DEUP1: variants seen among roughly 807,000 people sequenced by gnomAD.
DEUP1 encodes the protein coiled-coil domain containing 67.
DEUP1 carries 82 observed loss-of-function variants against 87.4 expected under a neutral mutation model. The ratio of observed to expected loss-of-function variants is 0.94; its 90% CI spans 0.78 to 1.13. The LOEUF (loss-of-function observed/expected upper bound fraction) is 1.13. Among genes scored for constraint, DEUP1 ranks in the 50% most tolerant of loss-of-function variants. The pLI, the probability that DEUP1 is intolerant of heterozygous loss-of-function variation, is 0.00. For synonymous variants in DEUP1, 214 were observed against 222.7 expected, an observed-to-expected ratio of 0.96 and a Z score of 0.35; for missense variants, 663 against 681.5, an observed-to-expected ratio of 0.97 and a Z score of 0.30.
At chr11:93,428,713 C>A (rs1948012645) in intron 13 of DEUP1, among the ~76,000 whole-genome samples, 1 of 152,098 alleles carries the variant, frequency 6.6e-6, no homozygotes, top group South Asian at 2.1e-4. Flanking sequence ...TTTGAAATAA[C>A]CTTACCACTG....
At chr11:93,343,663 ATCT>A (rs1427976403) in intron 2 of DEUP1, among the ~76,000 whole-genome samples, 1 of 152,210 alleles carries the variant, frequency 6.6e-6, no homozygotes, top group African/African-American at 2.4e-5. Context: ...ATTTTAACAG[ATCT>A]TCTGCTCTTT....
At chr11:93,378,135 T>C (rs1328228938) in intron 7 of DEUP1, among the ~76,000 whole-genome samples, 3 of 152,224 alleles carry the variant, frequency 2.0e-5, no homozygotes, top group Non-Finnish European at 4.4e-5. Context: ...GAGCTTCTTG[T>C]ATTTGGATGT....
intron 5 of DEUP1, among the ~76,000 whole-genome samples, chr11:93,368,643 T>A (rs1035158201): frequency 1.3e-5 from 2 of 152,028 alleles, no homozygotes; most frequent in Non-Finnish European, 2.9e-5. Flanking sequence ...GCTAAACTGC[T>A]AGAAACCACC....
At chr11:93,356,846 GGTACA>G in intron 3 of DEUP1, 97 bp from the exon 4 acceptor site, 1 of 724,244 alleles carries the variant, frequency 1.4e-6, no homozygotes, top group Non-Finnish European at 2.4e-6. Context: ...CTCTTGGTTT[GGTACA>G]GCCATTTTAT....
At chr11:93,412,084 G>A (rs900594790) in intron 12 of DEUP1, among the ~76,000 whole-genome samples, 3 of 152,166 alleles carry the variant, frequency 2.0e-5, no homozygotes, top group Non-Finnish European at 2.9e-5. Flanking sequence ...GGAAGGTGAG[G>A]CTGGAAAAAG....
At chr11:93,416,798 A>G (rs1010753630) in intron 13 of DEUP1, among the ~76,000 whole-genome samples, 13 of 151,622 alleles carry the variant, frequency 8.6e-5, no homozygotes, top group Admixed American at 1.3e-4. Flanking sequence ...CTGGCAAACC[A>G]AATCCAGCAG....
chr11:93,358,349 C>A (rs974551769), intron 4 of DEUP1, among the ~76,000 whole-genome samples: 2 of 152,036 alleles, frequency 1.3e-5, no homozygotes, highest in African/African-American at 4.8e-5. Flanking sequence ...TCAGTGCTAA[C>A]CAAAAAATAT....
intron 13 of DEUP1, among the ~76,000 whole-genome samples, chr11:93,418,854 A>T (rs1394572631): frequency 6.6e-6 from 1 of 152,178 alleles, no homozygotes; most frequent in Non-Finnish European, 1.5e-5. Flanking sequence ...ATGCAGCCAT[A>T]AAAAATGATG....
intron 12 of DEUP1, among the ~76,000 whole-genome samples, chr11:93,412,980 T>C (rs1270770532): frequency 6.6e-6 from 1 of 152,178 alleles, no homozygotes; most frequent in Non-Finnish European, 1.5e-5. Context: ...GTGTACTAAT[T>C]TACAGATGCC....
intron 11 of DEUP1, among the ~76,000 whole-genome samples, chr11:93,405,257 A>T (rs1375661765): frequency 6.6e-6 from 1 of 151,984 alleles, no homozygotes; most frequent in Non-Finnish European, 1.5e-5. Context: ...GAAAAAATGT[A>T]TAAGACCCTG....
At chr11:93,429,310 A>C (rs1948032102) in intron 13 of DEUP1, among the ~76,000 whole-genome samples, 1 of 152,208 alleles carries the variant, frequency 6.6e-6, no homozygotes. Context: ...TAAAATACAT[A>C]CCAATAATGT....
At chr11:93,342,036 C>A (rs779466318) in intron 2 of DEUP1, among the ~76,000 whole-genome samples, 4 of 152,146 alleles carry the variant, frequency 2.6e-5, no homozygotes, top group Non-Finnish European at 5.9e-5. Context: ...TGTCAAATCT[C>A]CCACTGCCAT....
At chr11:93,385,348 CGTTA>C in intron 7 of DEUP1, 46 bp from the exon 8 acceptor site, 1 of 1,571,836 alleles carries the variant, frequency 6.4e-7, no homozygotes, top group South Asian at 1.1e-5. Context: ...ATGCATTGTA[CGTTA>C]TGATAACCAA....
chr11:93,388,499 T>TAATTTATAA (rs1307211542), intron 8 of DEUP1, among the ~76,000 whole-genome samples: 3 of 152,192 alleles, frequency 2.0e-5, no homozygotes, highest in Non-Finnish European at 4.4e-5. Context: ...TATTAATATG[T>TAATTTATAA]GGTTGCAATT....
At chr11:93,330,162 GA>G (rs1244269541), upstream of DEUP1, 1 of 152,248 alleles carries the variant, frequency 6.6e-6, no homozygotes, top group East Asian at 1.9e-4. Flanking sequence ...CTCCCAGCTG[GA>G]AGACGCTAGG....
At position 93,336,144 on chromosome 11, in the gene DEUP1, A is replaced by T. The variant is rs570697639; in HGVS notation, c.29+3856A>T. On this transcript the variant is annotated intron_variant, in intron 2 of 13. Coordinates refer to ENST00000298050, the MANE Select transcript of DEUP1 (RefSeq NM_181645.4). ...AAAAACAAAAAACAAAACCCAAAAAACAAATAGGAAGCATAGCTGGGGAGA... is the reference window on the plus strand; with the variant it reads ...AAAAACAAAAAACAAAACCCAAAAATCAAATAGGAAGCATAGCTGGGGAGA... Among the ~76,000 whole-genome samples the T allele has an allele frequency of 5.9e-5, 9 of 152,246 alleles. No homozygotes were observed. In the South Asian group the frequency reaches 1.2e-3, roughly 21 times the overall value.
chr11:93,383,769 C>T (rs1472212177), intron 7 of DEUP1, among the ~76,000 whole-genome samples: 1 of 152,034 alleles, frequency 6.6e-6, no homozygotes, highest in Admixed American at 6.6e-5. Flanking sequence ...AAGACCCTTG[C>T]CCTTAGAACC....
chr11:93,382,834 A>T (rs1946360187), intron 7 of DEUP1, among the ~76,000 whole-genome samples: 1 of 152,202 alleles, frequency 6.6e-6, no homozygotes, highest in South Asian at 2.1e-4. Context: ...GAAATGTTTA[A>T]TCTTGCCTGA....
chr11:93,377,472 T>G (rs1946091950), intron 7 of DEUP1, among the ~76,000 whole-genome samples: 1 of 152,150 alleles, frequency 6.6e-6, no homozygotes. Flanking sequence ...TGGAATATCT[T>G]TGTCTGCCCC....
Sources: gnomAD v4.1 joint callset for allele counts (sites outside exome capture counted in the v4.1 genomes callset) on GRCh38, gnomAD v4.1.1 for gene constraint, MANE v1.5 for transcripts, NCBI Gene and HGNC (gene_info 2026-07-23, HGNC 2026-07-21) for gene names.